Variants in ZNF469 observed in about 807,000 individuals in gnomAD.
The protein encoded by ZNF469 is zinc finger protein 469.
ZNF469 carries 1 observed loss-of-function variant against 1.0 expected under a neutral mutation model. That is an observed-to-expected ratio of 1.00 (90% CI 0.35 to 4.73). ZNF469 has a LOEUF of 4.73. Ranked by LOEUF, ZNF469 falls within the 30% of genes most tolerant of loss-of-function variation. ZNF469 has a pLI of 0.16. For missense variants in ZNF469, 6,100 were observed against 5,356.3 expected (o/e 1.14, Z -4.33); for synonymous variants, 2,703 against 2,363.4 (o/e 1.14, Z -4.17).
chr16:88,352,331 G>T, the ZNF469 span, among the ~76,000 whole-genome samples: 2 of 152,230 alleles, frequency 1.3e-5, no homozygotes, highest in African/African-American at 4.8e-5. Flanking sequence ...TGCCAACCCA[G>T]AGGAATGACA....
At chr16:88,136,230 C>A in the ZNF469 span, among the ~76,000 whole-genome samples, 1 of 152,176 alleles carries the variant, frequency 6.6e-6, no homozygotes, top group African/African-American at 2.4e-5. Flanking sequence ...GAGGATAGAG[C>A]CACCTCCAGT....
the ZNF469 span, among the ~76,000 whole-genome samples, chr16:88,110,153 C>G: frequency 3.9e-5 from 6 of 152,238 alleles, no homozygotes; most frequent in Admixed American, 3.3e-4. Flanking sequence ...GAGTCACACA[C>G]ACGTCCAGCT....
the ZNF469 span, chr16:88,194,748 A>C: frequency 6.6e-6 from 1 of 152,388 alleles, no homozygotes; most frequent in African/African-American, 2.4e-5. Context: ...TCCCCATGCC[A>C]GGACGGTGCC....
At chr16:88,268,593 G>T in the ZNF469 span, among the ~76,000 whole-genome samples, 17 of 152,356 alleles carry the variant, frequency 1.1e-4, no homozygotes, top group Non-Finnish European at 5.9e-5. Context: ...GGAAGAACAT[G>T]CAGGGGTCAA....
chr16:88,436,056 C>G lies in ZNF469; in HGVS notation c.8586C>G (p.Leu2862=). The G allele has an allele frequency of 1.9e-6, 3 of 1,550,286 alleles. No homozygotes were observed. The highest frequency in any genetic ancestry group is 2.6e-6 in the Non-Finnish European group (3 of 1,146,990). The part of the protein sequence containing the change: ...LFDDEVSFSQ[L]FPPGGRLTRK... ...ATGATGAGGTCTCTTTCTCCCAGCTCTTCCCTCCAGGCGGTCGCTTGACTA... is the reference window on the plus strand; with the variant it reads ...ATGATGAGGTCTCTTTCTCCCAGCTGTTCCCTCCAGGCGGTCGCTTGACTA... The change falls in exon 3 of 3, where the codon CTC becomes CTG. Residue 2862 remains leucine, a synonymous_variant. Transcript: ENST00000565624.
upstream of ZNF469, among the ~76,000 whole-genome samples, chr16:88,381,343 GACAC>G (rs763424342): frequency 2.1e-5 from 2 of 96,514 alleles, no homozygotes; most frequent in Admixed American, 9.9e-5. Context: ...CTCGCACACA[GACAC>G]ACACTTATAC....
Position 88,427,646 on chromosome 16 carries a change from A to G in ZNF469, c.176A>G (p.Glu59Gly). Residue 59 changes from glutamate to glycine, a missense_variant, in exon 3 of 3, where the codon GAG becomes GGG. Physicochemically the swap from Glu to Gly is moderately conservative, Grantham distance 98. Coordinates refer to ENST00000565624, the MANE Select transcript of ZNF469 (RefSeq NM_001367624.2). ...GCTGGCGGCCAGGCCCAGGCCATGG[A>G]GCTCCCCGAGGCCCAGCCAAGGCAG... ...REAGGQAQAM[E>G]LPEAQPRQAR... is the part of the protein sequence containing the mutation. 1 of 1,536,992 alleles carries G rather than the reference A, an allele frequency of 6.5e-7. No homozygotes were observed. The highest frequency in any genetic ancestry group is 1.2e-5 in the South Asian group (1 of 83,964).
At chr16:88,398,154 C>G (rs1904743318) in intron 1 of ZNF469, among the ~76,000 whole-genome samples, 1 of 152,266 alleles carries the variant, frequency 6.6e-6, no homozygotes, top group Admixed American at 6.5e-5. Flanking sequence ...TGTCAGAAGT[C>G]CTGGTTGCAA....
chr16:88,398,765 G>C (rs1182529440), intron 1 of ZNF469, among the ~76,000 whole-genome samples: 1 of 152,136 alleles, frequency 6.6e-6, no homozygotes. Context: ...CAGCAGGATG[G>C]ACTTGGACTT....
In ZNF469 at chr16:88,431,745, C is replaced by G. The variant is rs761043511; in HGVS notation, c.4275C>G (p.Leu1425=). Reference sequence around the variant, plus strand: ...AGGACGGCGAGGATGCCGGTTCCCTCGAGCCACAGCTGCCAAGGAGCCCAC... The same window carrying G: ...AGGACGGCGAGGATGCCGGTTCCCTGGAGCCACAGCTGCCAAGGAGCCCAC... ...LCQDGEDAGS[L]EPQLPRSPPG... Residue 1425 remains leucine (L), a synonymous_variant, in exon 3 of 3, where the codon CTC becomes CTG. Coordinates refer to ENST00000565624, the MANE Select transcript of ZNF469 (RefSeq NM_001367624.2). 9 of 1,549,982 alleles carry G rather than the reference C, an allele frequency of 5.8e-6. No individual in the cohort carries two copies. The South Asian group carries it at 9.5e-5, about 16-fold the overall frequency.
chr16:88,319,642 C>T, the ZNF469 span, among the ~76,000 whole-genome samples: 1 of 152,160 alleles, frequency 6.6e-6, no homozygotes. Context: ...TCCTCCCCAT[C>T]CACCATTTCC....
chr16:88,368,630 G>A, the ZNF469 span, among the ~76,000 whole-genome samples: 1 of 151,788 alleles, frequency 6.6e-6, no homozygotes, highest in Non-Finnish European at 1.5e-5. Context: ...CTGAGAGGGT[G>A]TGGCTGGGAG....
chr16:88,137,072 G>C, the ZNF469 span, among the ~76,000 whole-genome samples: 3 of 152,108 alleles, frequency 2.0e-5, no homozygotes, highest in Non-Finnish European at 4.4e-5. Context: ...CACCACACAA[G>C]CACCATGTGT....
chr16:88,361,131 A>T, the ZNF469 span, among the ~76,000 whole-genome samples: 1 of 152,194 alleles, frequency 6.6e-6, no homozygotes, highest in Non-Finnish European at 1.5e-5. Flanking sequence ...AGATTCTCAT[A>T]AGGAGCACAC....
chr16:88,283,813 T>C, the ZNF469 span, among the ~76,000 whole-genome samples: 1 of 147,514 alleles, frequency 6.8e-6, no homozygotes, highest in African/African-American at 2.5e-5. Context: ...GCCCGAGGTC[T>C]GTGAAGGCTG....
At chr16:88,264,314 C>A in the ZNF469 span, among the ~76,000 whole-genome samples, 1 of 152,010 alleles carries the variant, frequency 6.6e-6, no homozygotes, top group Non-Finnish European at 1.5e-5. Flanking sequence ...TGCAGCTCAA[C>A]TCCCACGTAT....
the ZNF469 span, among the ~76,000 whole-genome samples, chr16:88,129,103 G>A: frequency 6.6e-6 from 1 of 152,240 alleles, no homozygotes; most frequent in South Asian, 2.1e-4. Flanking sequence ...GTGATAAAGC[G>A]TTAAACTCCA....
chr16:88,277,765 G>A, the ZNF469 span, among the ~76,000 whole-genome samples: 8 of 46,266 alleles, frequency 1.7e-4, no homozygotes, highest in South Asian at 3.3e-3. Flanking sequence ...GCTGACACTC[G>A]GTCAGTACCG....
rs183149417 is a variant in ZNF469 at position 88,438,187 on chromosome 16, G to T, written c.10717G>T (p.Gly3573Ter). ...ADGRGDCALD[G>*]ALERPENEAS... ...TGGCAGAGGAGACTGCGCGCTGGACGGAGCCCTGGAGAGGCCAGAGAACGA... is the reference window on the plus strand; with the variant it reads ...TGGCAGAGGAGACTGCGCGCTGGACTGAGCCCTGGAGAGGCCAGAGAACGA... Residue 3573 changes from glycine (G) to a stop codon, truncating the protein, a stop_gained, in exon 3 of 3, where the codon GGA becomes TGA. Coordinates refer to ENST00000565624, the MANE Select transcript of ZNF469 (RefSeq NM_001367624.2). LOFTEE classifies it low-confidence loss of function (END_TRUNC). The T allele has an allele frequency of 6.5e-7, 1 of 1,547,560 alleles. No individual in the cohort carries two copies. Among genetic ancestry groups the T allele is most frequent in the Non-Finnish European group, 8.7e-7 (1 of 1,144,982 alleles).
Sources: allele counts gnomAD v4.1 joint callset (sites outside exome capture counted in the v4.1 genomes callset), GRCh38; gene constraint gnomAD v4.1.1; transcripts MANE v1.5; gene names NCBI Gene and HGNC (gene_info 2026-07-23, HGNC 2026-07-21).